The following MBOAT1 variants were observed in gnomAD, a reference collection of about 807,000 sequenced individuals.
MBOAT1 encodes membrane-bound glycerophospholipid O-acyltransferase 1.
Under a neutral mutation model 64.4 loss-of-function variants are expected in MBOAT1, and 67 were observed. That is an observed-to-expected ratio of 1.04 (90% CI 0.85 to 1.27). The LOEUF is 1.27. Ranked by LOEUF, MBOAT1 falls within the 50% of genes most tolerant of loss-of-function variation. The pLI, the probability that MBOAT1 is intolerant of heterozygous loss-of-function variation, is 0.00. For missense variants in MBOAT1, 563 were observed against 604.6 expected (o/e 0.93, Z 0.72); for synonymous variants, 229 against 218.9 (o/e 1.05, Z -0.41).
chr6:20,152,313 C>A (rs544218667), intron 2 of MBOAT1, among the ~76,000 whole-genome samples: 3 of 145,216 alleles, frequency 2.1e-5, no homozygotes, highest in Admixed American at 1.4e-4. Flanking sequence ...GGCGACAGAG[C>A]GAGACTCCGT....
intron 12 of MBOAT1, among the ~76,000 whole-genome samples, chr6:20,106,088 T>C (rs1759948253): frequency 1.3e-5 from 2 of 152,186 alleles, no homozygotes; most frequent in Non-Finnish European, 2.9e-5. Flanking sequence ...TGCATACAAC[T>C]GTGGTTTACT....
chr6:20,202,687 A>C (rs1763157253), intron 1 of MBOAT1, among the ~76,000 whole-genome samples: 1 of 151,808 alleles, frequency 6.6e-6, no homozygotes, highest in African/African-American at 2.4e-5. Context: ...TACATTTCTT[A>C]AGCCCAAAGA....
At chr6:20,197,630 C>G (rs1000314080) in intron 1 of MBOAT1, among the ~76,000 whole-genome samples, 6 of 152,182 alleles carry the variant, frequency 3.9e-5, no homozygotes, top group Admixed American at 3.9e-4. Flanking sequence ...GACCTGGAAG[C>G]CCCCTCCCCT....
At chr6:20,172,866 C>A (rs143373189) in intron 1 of MBOAT1, among the ~76,000 whole-genome samples, 27 of 152,216 alleles carry the variant, frequency 1.8e-4, no homozygotes, top group African/African-American at 6.5e-4. Flanking sequence ...GTGTCCCCAC[C>A]AAATCTCATG....
chr6:20,131,109 A>G (rs771014604), intron 5 of MBOAT1, 35 bp downstream of exon 5: 3 of 1,586,574 alleles, frequency 1.9e-6, no homozygotes, highest in Non-Finnish European at 2.6e-6. Context: ...TGTCAGGCTC[A>G]CTCTGAGAAC....
At chr6:20,141,523 C>G (rs1761177404) in intron 4 of MBOAT1, among the ~76,000 whole-genome samples, 1 of 151,882 alleles carries the variant, frequency 6.6e-6, no homozygotes, top group African/African-American at 2.4e-5. Context: ...TCACACCCAG[C>G]TAATTTGTTT....
intron 1 of MBOAT1, among the ~76,000 whole-genome samples, chr6:20,164,230 T>C (rs974796435): frequency 2.6e-5 from 4 of 151,160 alleles, no homozygotes; most frequent in African/African-American, 9.7e-5. Flanking sequence ...ATATGTAACC[T>C]GAAATTTTTC....
chr6:20,105,615 T>C (rs1006317163), intron 12 of MBOAT1, among the ~76,000 whole-genome samples: 1 of 152,036 alleles, frequency 6.6e-6, no homozygotes, highest in Non-Finnish European at 1.5e-5. Context: ...AATAAAAAAA[T>C]TAGGCGGGTG....
At position 20,152,707 on chromosome 6, in the gene MBOAT1, T is replaced by C. The variant is rs1189956495; in HGVS notation, c.162A>G (p.Leu54=). 1 of 1,612,266 alleles carries C rather than the reference T, an allele frequency of 6.2e-7. No individual in the cohort carries two copies. The change falls in exon 2 of 13, where the codon TTA becomes TTG. Residue 54 remains leucine (L), a synonymous_variant. Coordinates refer to ENST00000324607, the MANE Select transcript of MBOAT1 (RefSeq NM_001080480.3). ...CATCAGAGCTGGTTGTACCAGGACG[T>C]AAGTAGATGCGAAACCAGAAAGCAG... ...LFAAFWFRIY[L]RPGTTSSDVR... is the part of the protein sequence containing the mutation.
intron 1 of MBOAT1, among the ~76,000 whole-genome samples, chr6:20,174,793 A>T (rs1762295358): frequency 6.6e-6 from 1 of 152,086 alleles, no homozygotes; most frequent in African/African-American, 2.4e-5. Flanking sequence ...TGTATATGAA[A>T]ACAGTTCCAT....
intron 1 of MBOAT1, among the ~76,000 whole-genome samples, chr6:20,153,113 C>A (rs1201288766): frequency 2.0e-5 from 3 of 152,188 alleles, no homozygotes; most frequent in Non-Finnish European, 4.4e-5. Flanking sequence ...GGATTACAGG[C>A]GTGAGCCACC....
At chr6:20,117,357 T>A (rs1191751743) in intron 9 of MBOAT1, among the ~76,000 whole-genome samples, 2 of 152,186 alleles carry the variant, frequency 1.3e-5, no homozygotes, top group East Asian at 3.9e-4. Context: ...ATATATGATG[T>A]AATTTACTTA....
At chr6:20,209,497 C>G (rs1298435738) in intron 1 of MBOAT1, among the ~76,000 whole-genome samples, 1 of 152,114 alleles carries the variant, frequency 6.6e-6, no homozygotes, top group Non-Finnish European at 1.5e-5. Context: ...GAATGCTTAC[C>G]AGGTATTTCC....
chr6:20,147,772 A>C (rs1232263096), intron 3 of MBOAT1, among the ~76,000 whole-genome samples: 1 of 152,236 alleles, frequency 6.6e-6, no homozygotes, highest in East Asian at 1.9e-4. Flanking sequence ...AAGAAAAAAA[A>C]CTATATTCCA....
intron 9 of MBOAT1, among the ~76,000 whole-genome samples, chr6:20,116,189 G>A (rs991539947): frequency 2.6e-5 from 4 of 151,858 alleles, no homozygotes; most frequent in Admixed American, 6.6e-5. Context: ...AAAGTTAGCC[G>A]GGCCTGGTAG....
intron 1 of MBOAT1, among the ~76,000 whole-genome samples, chr6:20,198,547 T>C (rs1763028050): frequency 6.6e-6 from 1 of 152,242 alleles, no homozygotes; most frequent in Admixed American, 6.5e-5. Flanking sequence ...TGACTTTTCT[T>C]AGTCAATTCA....
intron 6 of MBOAT1, among the ~76,000 whole-genome samples, chr6:20,127,480 G>C (rs1439453815): frequency 1.3e-5 from 2 of 152,162 alleles, no homozygotes; most frequent in African/African-American, 4.8e-5. Flanking sequence ...AGCAAACAAA[G>C]CTTCATCTGT....
At position 20,145,745 on chromosome 6, in the gene MBOAT1, A is replaced by G. The variant is rs556517301; in HGVS notation, c.324-1430T>C. Among the ~76,000 whole-genome samples, 4 of 152,268 alleles carry G rather than the reference A, an allele frequency of 2.6e-5. No homozygotes were observed. The East Asian group carries it at 7.7e-4, about 29-fold the overall frequency. On this transcript the variant is annotated intron_variant, in intron 3 of 12. Transcript: ENST00000324607. The stretch of plus-strand genomic sequence containing the variant: ...ATGAAACCCTGTATTTTCAGGCAAG[A>G]TGTCTTTCTGCATGCTCCTTCTTCT...
intron 10 of MBOAT1, among the ~76,000 whole-genome samples, chr6:20,113,285 G>A (rs1980430): frequency 0.73 from 110,954 of 152,102 alleles, 41,234 homozygotes; most frequent in East Asian, 0.84. Context: ...CCATCACACT[G>A]TATCTGTTAC....
Sources: gnomAD v4.1 joint callset for allele counts (sites outside exome capture counted in the v4.1 genomes callset) on GRCh38, gnomAD v4.1.1 for gene constraint, MANE v1.5 for transcripts, NCBI Gene and HGNC (gene_info 2026-07-23, HGNC 2026-07-21) for gene names.